Variants in CAMSAP1 observed in about 807,000 individuals in gnomAD.
The protein encoded by CAMSAP1 is calmodulin-regulated spectrin-associated protein 1.
Under a neutral mutation model 143.5 loss-of-function variants are expected in CAMSAP1, and 58 were observed. The ratio of observed to expected loss-of-function variants is 0.40; its 90% CI spans 0.33 to 0.50. The LOEUF is 0.50. Among genes scored for constraint, CAMSAP1 ranks in the 20% least tolerant of loss-of-function variants. The pLI is 0.45. For missense variants in CAMSAP1, 1,969 were observed against 2,115.7 expected (o/e 0.93, Z 1.36); for synonymous variants, 945 against 859.3 (o/e 1.10, Z -1.74).
At chr9:135,823,857 G>A (rs776718659) in intron 10 of CAMSAP1, 93 bp downstream of exon 10, 42 of 954,272 alleles carry the variant, frequency 4.4e-5, no homozygotes, top group African/African-American at 2.1e-4. Flanking sequence ...AAAGGGTCTC[G>A]GTGATCCTCA....
rs757461691 is a variant in CAMSAP1, at chr9:135,818,379, CT to C, written c.4168+28del. ...AGGCCGCCGCCCGCGGAAGGAAGCG[CT>C]GCCCGCGTGAGGGCCGGGGCTGCTT... On this transcript the variant is annotated intron_variant, in intron 13 of 16. Coordinates refer to ENST00000389532, the MANE Select transcript of CAMSAP1 (RefSeq NM_015447.4). This position sits in a 1 kb window ranked among gnomAD's most constrained non-coding sequence, Gnocchi z 7.7. 124 of 1,534,878 alleles carry C rather than the reference CT, an allele frequency of 8.1e-5. 3 individuals carry two copies. The South Asian group carries it at 1.4e-3, about 17-fold the overall frequency.
chr9:135,887,938 G>T (rs1295164485), intron 1 of CAMSAP1, among the ~76,000 whole-genome samples: 1 of 152,210 alleles, frequency 6.6e-6, no homozygotes, highest in African/African-American at 2.4e-5. Flanking sequence ...GGCAGGCCTC[G>T]GCGGGAGCCA....
intron 3 of CAMSAP1, among the ~76,000 whole-genome samples, chr9:135,878,119 G>A (rs866379709): frequency 3.9e-5 from 6 of 152,176 alleles, no homozygotes; most frequent in Middle Eastern, 3.2e-3. Context: ...AAATGGTCCC[G>A]GAAATGCACA....
Position 135,808,498 on chromosome 9 carries a change from C to G in CAMSAP1, c.*2811G>C, listed in dbSNP as rs1834923621. The G allele has an allele frequency of 6.6e-6, 1 of 152,222 alleles. No homozygotes were observed. The highest frequency in any genetic ancestry group is 1.5e-5 in the Non-Finnish European group (1 of 68,038). 9.4% of individuals were successfully genotyped at this position (152,222 alleles called of 1,614,324 possible). A position where few individuals can be genotyped will look rare whatever the true frequency, so the allele number is the denominator to read the frequency against. On this transcript the variant is annotated 3_prime_UTR_variant, in exon 17 of 17. Coordinates refer to ENST00000389532, the MANE Select transcript of CAMSAP1 (RefSeq NM_015447.4). ...CATTCTCCAAGTGATGAATTTTTAA[C>G]AGAAAATTTTATTTCAATAAATATT...
chr9:135,863,930 G>A lies in CAMSAP1; in HGVS notation c.667-1322C>T, dbSNP rs376264113. Among the ~76,000 whole-genome samples the A allele has an allele frequency of 7.2e-5, 11 of 152,156 alleles. 1 individual carries two copies. In the East Asian group the frequency reaches 1.3e-3, roughly 19 times the overall value. On this transcript the variant is annotated intron_variant, in intron 4 of 16. Coordinates refer to ENST00000389532, the MANE Select transcript of CAMSAP1 (RefSeq NM_015447.4). ...GGTTTCTTGATTAAAGATGGATGGG[G>A]TGGGCTTAAGGTCAGGTGAAACACT...
At chr9:135,861,531 C>T (rs1837192608) in intron 5 of CAMSAP1, among the ~76,000 whole-genome samples, 1 of 152,188 alleles carries the variant, frequency 6.6e-6, no homozygotes, top group Non-Finnish European at 1.5e-5. Flanking sequence ...TCTCTAACTC[C>T]TAACCTCAGG....
chr9:135,820,848 G>A lies in CAMSAP1; in HGVS notation c.3813C>T (p.Phe1271=), dbSNP rs1394821962. The part of the protein sequence containing the change: ...SEGDQKPGVG[F]FFKDEQKAED... ...GCTACCAATCCCTTACCTTGAAGAA[G>A]AAGCCGACCCCCGGCTTCTGGTCGC... Residue 1271 remains phenylalanine, a synonymous_variant, in exon 11 of 17, where the codon TTC becomes TTT. Transcript: ENST00000389532. The surrounding 1 kb of genome is among the most constrained non-coding windows in gnomAD (Gnocchi z 4.4). The A allele has an allele frequency of 6.2e-7, 1 of 1,612,836 alleles. No homozygotes were observed. Among genetic ancestry groups the A allele is most frequent in the South Asian group, 1.1e-5 (1 of 91,010 alleles).
intron 7 of CAMSAP1, among the ~76,000 whole-genome samples, chr9:135,848,421 C>G (rs1472708414): frequency 6.6e-6 from 1 of 152,098 alleles, no homozygotes; most frequent in African/African-American, 2.4e-5. Context: ...ATCGAGGTAA[C>G]CACCACTCGG....
intron 4 of CAMSAP1, among the ~76,000 whole-genome samples, chr9:135,863,367 C>A (rs1399562711): frequency 6.6e-6 from 1 of 152,216 alleles, no homozygotes; most frequent in Non-Finnish European, 1.5e-5. Flanking sequence ...CAGCCCCAGC[C>A]CCACTGCCAA....
intron 5 of CAMSAP1, among the ~76,000 whole-genome samples, chr9:135,851,783 G>A (rs749151779): frequency 6.6e-6 from 1 of 152,322 alleles, no homozygotes; most frequent in African/African-American, 2.4e-5. Context: ...CATCTTGACC[G>A]CTATATGGTC....
At chr9:135,890,520 G>C (rs1271425202) in intron 1 of CAMSAP1, among the ~76,000 whole-genome samples, 1 of 152,140 alleles carries the variant, frequency 6.6e-6, no homozygotes, top group Admixed American at 6.5e-5. Context: ...ACCTTTCTAA[G>C]GACAAAATCT....
chr9:135,823,803 T>G (rs1835574061), intron 10 of CAMSAP1, 147 bp downstream of exon 10: 1 of 658,742 alleles, frequency 1.5e-6, no homozygotes, highest in African/African-American at 1.8e-5. Context: ...AGTAACTTCC[T>G]AGTGTTGTTA....
At chr9:135,837,700 G>A (rs534523166) in intron 7 of CAMSAP1, among the ~76,000 whole-genome samples, 9 of 131,754 alleles carry the variant, frequency 6.8e-5, no homozygotes, top group Admixed American at 4.9e-4. Flanking sequence ...AGAGACACAC[G>A]TCACCACGCA....
chr9:135,897,556 G>C (rs964340598), intron 1 of CAMSAP1, among the ~76,000 whole-genome samples: 1 of 152,174 alleles, frequency 6.6e-6, no homozygotes, highest in African/African-American at 2.4e-5. Flanking sequence ...ATTAGGCATA[G>C]TAGTGACCTA....
At chr9:135,887,753 C>T (rs766752127) in intron 1 of CAMSAP1, among the ~76,000 whole-genome samples, 11 of 152,138 alleles carry the variant, frequency 7.2e-5, no homozygotes, top group South Asian at 2.1e-4. Flanking sequence ...GGGAGAAGTG[C>T]GGCTACAGGG....
intron 7 of CAMSAP1, among the ~76,000 whole-genome samples, chr9:135,828,156 C>T (rs1265541460): frequency 2.6e-5 from 4 of 152,236 alleles, no homozygotes; most frequent in Non-Finnish European, 5.9e-5. Flanking sequence ...CCTTTCTTGG[C>T]CCACGCCTGC....
intron 1 of CAMSAP1, among the ~76,000 whole-genome samples, chr9:135,888,227 G>A (rs898695044): frequency 1.3e-5 from 2 of 152,246 alleles, no homozygotes; most frequent in African/African-American, 4.8e-5. Flanking sequence ...CATAAGCTCT[G>A]TGGATGCACA....
intron 16 of CAMSAP1, among the ~76,000 whole-genome samples, chr9:135,813,247 C>A (rs1835115861): frequency 6.6e-6 from 1 of 152,160 alleles, no homozygotes; most frequent in African/African-American, 2.4e-5. Flanking sequence ...TTCCCAAGGC[C>A]CTGGGCTGTG....
intron 3 of CAMSAP1, 71 bp from the exon 4 acceptor site, chr9:135,866,607 C>A: frequency 1.3e-6 from 1 of 747,494 alleles, no homozygotes; most frequent in Non-Finnish European, 2.4e-6. Context: ...CAATTATCCC[C>A]CAGAGACCCC....
Sources: gnomAD v4.1 joint callset for allele counts (sites outside exome capture counted in the v4.1 genomes callset) on GRCh38, gnomAD v4.1.1 for gene constraint, Gnocchi (gnomAD v3.1) non-coding constraint, MANE v1.5 for transcripts, NCBI Gene and HGNC (gene_info 2026-07-23, HGNC 2026-07-21) for gene names.